The following GREB1L variants were observed in gnomAD, a reference collection of about 807,000 sequenced individuals.
GREB1L encodes the protein GREB1 like retinoic acid receptor coactivator.
A neutral mutation model predicts 200.8 loss-of-function variants in GREB1L; 17 were observed. That is an observed-to-expected ratio of 0.08 (90% CI 0.06 to 0.13). The LOEUF is 0.13. Ranked by LOEUF, GREB1L falls within the 10% of genes least tolerant of loss-of-function variation. The pLI is 1.00. For synonymous variants in GREB1L, 789 were observed against 893.0 expected (o/e 0.88, Z 2.08); for missense variants, 1,657 against 2,367.7 (o/e 0.70, Z 6.23).
chr18:21,303,795 A>G (rs2144718054), intron 1 of GREB1L, among the ~76,000 whole-genome samples: 1 of 152,324 alleles, frequency 6.6e-6, no homozygotes, highest in African/African-American at 2.4e-5. Flanking sequence ...GAATATTTTT[A>G]ATTGTATAAT....
chr18:21,351,085 C>T (rs1291636457), intron 1 of GREB1L, among the ~76,000 whole-genome samples: 4 of 152,016 alleles, frequency 2.6e-5, no homozygotes, highest in Non-Finnish European at 5.9e-5. Flanking sequence ...ATAATCAATA[C>T]ACTGAAAAAG....
chr18:21,438,960 C>CAAAAAAA (rs59125788), intron 7 of GREB1L, among the ~76,000 whole-genome samples: 2 of 64,626 alleles, frequency 3.1e-5, no homozygotes, highest in African/African-American at 4.8e-5. Flanking sequence ...GACTCTGTCT[C>CAAAAAAA]AAAAAAAAAA....
intron 17 of GREB1L, 55 bp downstream of exon 17, chr18:21,477,411 G>T: frequency 3.1e-6 from 4 of 1,302,688 alleles, no homozygotes; most frequent in Non-Finnish European, 4.1e-6. Flanking sequence ...TCCCAAGAGG[G>T]TAGGACCTTG....
chr18:21,428,184 G>A (rs1238137600), intron 7 of GREB1L, among the ~76,000 whole-genome samples: 3 of 103,956 alleles, frequency 2.9e-5, no homozygotes, highest in Admixed American at 1.5e-4. Context: ...GCGACAGAGC[G>A]AGACTCCGTC....
chr18:21,367,889 A>G (rs2039734886), intron 2 of GREB1L, among the ~76,000 whole-genome samples: 1 of 152,208 alleles, frequency 6.6e-6, no homozygotes, highest in Non-Finnish European at 1.5e-5. Context: ...ACCACAACCC[A>G]TGACCTCAAG....
At chr18:21,425,739 CTCTT>C (rs573900556) in intron 7 of GREB1L, among the ~76,000 whole-genome samples, 2 of 152,102 alleles carry the variant, frequency 1.3e-5, no homozygotes, top group Admixed American at 1.3e-4. Context: ...GTTGGGTTGA[CTCTT>C]TATTGATTTA....
intron 1 of GREB1L, among the ~76,000 whole-genome samples, chr18:21,249,801 G>A (rs546897049): frequency 1.3e-5 from 2 of 151,976 alleles, no homozygotes; most frequent in South Asian, 4.2e-4. Flanking sequence ...CGGAAGTTGC[G>A]GTGAGCTGAG....
intron 19 of GREB1L, among the ~76,000 whole-genome samples, chr18:21,490,946 A>G (rs1442219306): frequency 1.3e-5 from 2 of 152,150 alleles, no homozygotes; most frequent in East Asian, 3.9e-4. Context: ...GCCCTACAGA[A>G]GAATTTAGTG....
At chr18:21,479,538 G>T (rs2035840044) in intron 17 of GREB1L, among the ~76,000 whole-genome samples, 1 of 151,986 alleles carries the variant, frequency 6.6e-6, no homozygotes, top group African/African-American at 2.4e-5. Flanking sequence ...AGTTAGCCAG[G>T]CACGGTGGCA....
At chr18:21,265,229 T>A (rs2037947398) in intron 1 of GREB1L, among the ~76,000 whole-genome samples, 1 of 152,196 alleles carries the variant, frequency 6.6e-6, no homozygotes, top group African/African-American at 2.4e-5. Flanking sequence ...TTAGGACAAG[T>A]TCACTTTCCC....
At chr18:21,364,192 G>A (rs1238412034) in intron 1 of GREB1L, among the ~76,000 whole-genome samples, 3 of 151,952 alleles carry the variant, frequency 2.0e-5, no homozygotes, top group African/African-American at 7.2e-5. Flanking sequence ...CTTTTGTAGA[G>A]GAATTCTGAA....
intron 1 of GREB1L, among the ~76,000 whole-genome samples, chr18:21,256,299 A>G (rs905896244): frequency 1.8e-4 from 27 of 152,292 alleles, no homozygotes; most frequent in African/African-American, 6.3e-4. Context: ...TTGATGATTT[A>G]ATAATGGCCT....
intron 29 of GREB1L, among the ~76,000 whole-genome samples, chr18:21,516,014 C>T (rs556805157): frequency 3.0e-4 from 45 of 151,526 alleles, no homozygotes; most frequent in Non-Finnish European, 5.9e-4. Context: ...TAGACTAAGC[C>T]CTCCTTCACC....
At chr18:21,302,973 C>T (rs747857653) in intron 1 of GREB1L, among the ~76,000 whole-genome samples, 4 of 152,086 alleles carry the variant, frequency 2.6e-5, no homozygotes, top group South Asian at 2.1e-4. Context: ...CACCCGCCTC[C>T]GCCCCTGAAA....
rs1212136611 is a variant in GREB1L, at chr18:21,383,541, A to C, written c.23A>C (p.Gln8Pro). The C allele has an allele frequency of 3.2e-6, 5 of 1,541,202 alleles. No homozygotes were observed. Among genetic ancestry groups the C allele is most frequent in the Non-Finnish European group, 3.5e-6 (4 of 1,144,020 alleles). Residue 8 changes from glutamine to proline, a missense_variant, in exon 3 of 33, where the codon CAA becomes CCA. This residue lies in a region of GREB1L where 121 missense variants were observed against 126.6 expected (regional missense o/e 0.96). Transcript: ENST00000424526. MGNSYAG[Q>P]LKSARFEEAL... ...ATCATGGGGAATTCATATGCTGGGC[A>C]ACTGAAATCTGCTCGATTTGAGGAA...
chr18:21,479,939 C>G (rs1317972272), intron 17 of GREB1L, among the ~76,000 whole-genome samples: 11 of 152,188 alleles, frequency 7.2e-5, no homozygotes, highest in Admixed American at 7.2e-4. Context: ...CAGTATCTCA[C>G]TGTATCACCC....
At chr18:21,398,252 A>C (rs907530112) in intron 5 of GREB1L, among the ~76,000 whole-genome samples, 1 of 152,200 alleles carries the variant, frequency 6.6e-6, no homozygotes, top group Non-Finnish European at 1.5e-5. Context: ...TAAGAACTTC[A>C]GCAAGTATTT....
chr18:21,501,123 A>G (rs2036773364), intron 23 of GREB1L, among the ~76,000 whole-genome samples: 2 of 151,532 alleles, frequency 1.3e-5, no homozygotes, highest in South Asian at 4.2e-4. Context: ...TGTGCCCGGC[A>G]AATAGTTCTG....
chr18:21,395,768 C>T (rs1281908159), intron 5 of GREB1L, among the ~76,000 whole-genome samples: 2 of 149,606 alleles, frequency 1.3e-5, no homozygotes, highest in Non-Finnish European at 1.5e-5. Flanking sequence ...CTTGCTCCAT[C>T]GCCCAGGCTG....
Sources: gnomAD v4.1 joint callset for allele counts (sites outside exome capture counted in the v4.1 genomes callset) on GRCh38, gnomAD v4.1.1 for gene constraint, gnomAD v4.1.1 regional missense constraint, MANE v1.5 for transcripts, NCBI Gene and HGNC (gene_info 2026-07-23, HGNC 2026-07-21) for gene names.